HMHB1: variants seen among roughly 807,000 people sequenced by gnomAD.
HMHB1 encodes minor histocompatibility protein HB-1.
Under a neutral mutation model 2.4 loss-of-function variants are expected in HMHB1, and 4 were observed. The observed-to-expected ratio is 1.65, with a 90% CI of 0.81 to 3.77. HMHB1 has a LOEUF of 3.77. HMHB1 is among the 30% of genes most tolerant of loss of function. HMHB1 has a pLI of 0.01. For synonymous variants in HMHB1, 22 were observed against 17.6 expected, an observed-to-expected ratio of 1.25 and a Z score of -0.63; for missense variants, 57 against 44.2, an observed-to-expected ratio of 1.29 and a Z score of -0.82.
At chr5:143,820,113 A>G (rs1759791431) in intron 1 of HMHB1, among the ~76,000 whole-genome samples, 1 of 152,084 alleles carries the variant, frequency 6.6e-6, no homozygotes, top group East Asian at 1.9e-4. Flanking sequence ...TGAGCTAATT[A>G]TAGAAAATAA....
intron 1 of HMHB1, among the ~76,000 whole-genome samples, chr5:143,817,768 G>C (rs899913490): frequency 6.6e-6 from 1 of 152,110 alleles, no homozygotes; most frequent in Admixed American, 6.5e-5. Flanking sequence ...GATGGGGATG[G>C]TGTTGAATTT....
In HMHB1 at chr5:143,820,318, T is replaced by TAAAAAAAAAAAAAAAA. The variant is rs60960654; in HGVS notation, c.38-145_38-130dup. ...AGGTGCTGCCCCGGCTCATCATAAG[T>TAAAAAAAAAAAAAAAA]AAAAAAAAAAAAAAAAAAAAAAAAA... On this transcript the variant is annotated intron_variant, in intron 1 of 1. Coordinates refer to ENST00000289448, the MANE Select transcript of HMHB1 (RefSeq NM_021182.3). Among the ~76,000 whole-genome samples, 98 of 47,562 alleles carry TAAAAAAAAAAAAAAAA rather than the reference T, an allele frequency of 2.1e-3. 2 individuals are homozygous for TAAAAAAAAAAAAAAAA. Among genetic ancestry groups the TAAAAAAAAAAAAAAAA allele is most frequent in the Middle Eastern group, 0.014 (1 of 72 alleles). The allele number at this position is 47,562 out of a possible 152,430, so 31.2% of individuals were successfully genotyped here. A position where few individuals can be genotyped will look rare whatever the true frequency, so the allele number is the denominator to read the frequency against.
chr5:143,814,833 A>T (rs1273632215), intron 1 of HMHB1, among the ~76,000 whole-genome samples: 1 of 152,156 alleles, frequency 6.6e-6, no homozygotes, highest in African/African-American at 2.4e-5. Context: ...GTCCCCACTA[A>T]AAGTTATCCT....
chr5:143,812,271 G>A lies in HMHB1; in HGVS notation c.4G>A (p.Glu2Lys). 6.4e-7 allele frequency: 1 copy of A among 1,551,780 alleles called. No individual in the cohort carries two copies. The highest frequency in any genetic ancestry group is 8.7e-7 in the Non-Finnish European group (1 of 1,147,022). ...CACCACAGTGGAGAAACCAGAACTG[G>A]AGGAGCAGCCAGAATGCAGAGAAGA... Residue 2 changes from glutamate (E) to lysine (K), a missense_variant, in exon 1 of 2, where the codon GAG (glutamate) becomes AAG (lysine). Glu to Lys is a moderately conservative substitution (Grantham distance 56). Transcript: ENST00000289448.
intron 1 of HMHB1, among the ~76,000 whole-genome samples, chr5:143,813,809 C>T (rs186446667): frequency 2.3e-3 from 345 of 152,250 alleles, no homozygotes; most frequent in Admixed American, 6.2e-3. Flanking sequence ...TATGAACATA[C>T]CTTTTTTATT....
intron 1 of HMHB1, 94 bp downstream of exon 1, chr5:143,812,398 G>A: frequency 5.0e-6 from 6 of 1,193,000 alleles, no homozygotes; most frequent in Non-Finnish European, 7.3e-6. Context: ...GAATGAGAGG[G>A]AAACCACAAC....
chr5:143,818,289 C>A (rs1409977331), intron 1 of HMHB1, among the ~76,000 whole-genome samples: 1 of 152,120 alleles, frequency 6.6e-6, no homozygotes, highest in African/African-American at 2.4e-5. Flanking sequence ...TTATAGAATT[C>A]TTTAGGGGAA....
intron 1 of HMHB1, among the ~76,000 whole-genome samples, chr5:143,815,807 C>T (rs1759741704): frequency 1.3e-5 from 2 of 150,384 alleles, no homozygotes; most frequent in Non-Finnish European, 2.9e-5. Flanking sequence ...CCCGGGTTCA[C>T]GCCATTCTCC....
intron 1 of HMHB1, among the ~76,000 whole-genome samples, chr5:143,816,059 C>T (rs916422389): frequency 8.5e-5 from 13 of 152,280 alleles, no homozygotes; most frequent in South Asian, 4.2e-4. Context: ...TCAGATAACC[C>T]AAAAGAATCT....
intron 1 of HMHB1, 54 bp downstream of exon 1, chr5:143,812,358 G>A: frequency 4.0e-6 from 6 of 1,498,384 alleles, no homozygotes; most frequent in South Asian, 1.2e-5. Flanking sequence ...GGCAGCGAAG[G>A]GGCAGAGAAA....
intron 1 of HMHB1, among the ~76,000 whole-genome samples, 159 bp from the exon 2 acceptor site, chr5:143,820,321 A>T (rs1759795806): frequency 1.7e-5 from 1 of 57,776 alleles, no homozygotes; most frequent in African/African-American, 9.1e-5. Context: ...TCATAAGTAA[A>T]AAAAAAAAAA....
At chr5:143,814,826 C>G (rs1341475709) in intron 1 of HMHB1, among the ~76,000 whole-genome samples, 2 of 152,060 alleles carry the variant, frequency 1.3e-5, no homozygotes, top group Admixed American at 6.5e-5. Context: ...GGAATTTGTC[C>G]CCACTAAAAG....
intron 1 of HMHB1, among the ~76,000 whole-genome samples, chr5:143,813,806 A>G (rs1759718651): frequency 6.6e-6 from 1 of 152,216 alleles, no homozygotes; most frequent in African/African-American, 2.4e-5. Context: ...AAATATGAAC[A>G]TACCTTTTTT....
chr5:143,813,179 C>G (rs1027886073), intron 1 of HMHB1, among the ~76,000 whole-genome samples: 4 of 152,182 alleles, frequency 2.6e-5, no homozygotes, highest in Non-Finnish European at 4.4e-5. Context: ...TGCTCAGATC[C>G]AGTTGCACAG....
At chr5:143,815,383 A>T (rs1178065451) in intron 1 of HMHB1, among the ~76,000 whole-genome samples, 1 of 152,016 alleles carries the variant, frequency 6.6e-6, no homozygotes, top group African/African-American at 2.4e-5. Flanking sequence ...CCTGCATTCC[A>T]TTGCTCATGG....
rs1241190766 is a variant in HMHB1, at chr5:143,812,312, A to G, written c.37+8A>G. 6.4e-7 allele frequency: 1 copy of G among 1,551,320 alleles called. No homozygotes were observed. Among genetic ancestry groups the G allele is most frequent in the East Asian group, 2.4e-5 (1 of 40,924 alleles). On this transcript the variant is annotated splice_region_variant and intron_variant, in intron 1 of 1. Transcript: ENST00000289448. ...GCAGAGAAGAAAAAAGAGGTGAGGG[A>G]GCGAGGAGGAGGGAGAACAGAGAGA... is the stretch of plus-strand genomic sequence containing the variant.
chr5:143,817,417 T>C (rs113019648), intron 1 of HMHB1, among the ~76,000 whole-genome samples: 3,132 of 152,280 alleles, frequency 0.021, 128 homozygotes, highest in African/African-American at 0.071. Context: ...TTCATTCTCC[T>C]ACACGTGGCT....
intron 1 of HMHB1, among the ~76,000 whole-genome samples, chr5:143,814,358 C>T (rs1042334471): frequency 3.3e-5 from 5 of 152,104 alleles, no homozygotes; most frequent in Non-Finnish European, 5.9e-5. Context: ...CTTTGTCTCT[C>T]GTCAATAGAA....
At chr5:143,819,884 T>C (rs538941152) in intron 1 of HMHB1, among the ~76,000 whole-genome samples, 1 of 152,262 alleles carries the variant, frequency 6.6e-6, no homozygotes, top group African/African-American at 2.4e-5. Flanking sequence ...CTTAAGAGAA[T>C]AATCTCATTT....
Sources: gnomAD v4.1 joint callset for allele counts (sites outside exome capture counted in the v4.1 genomes callset) on GRCh38, gnomAD v4.1.1 for gene constraint, MANE v1.5 for transcripts, NCBI Gene and HGNC (gene_info 2026-07-23, HGNC 2026-07-21) for gene names.